Variants in CALN1 observed in about 807,000 individuals in gnomAD.
The protein encoded by CALN1 is calcium-binding protein 8.
A neutral mutation model predicts 30.6 loss-of-function variants in CALN1; 17 were observed. The ratio of observed to expected loss-of-function variants is 0.56; its 90% CI spans 0.38 to 0.83. The LOEUF is 0.83. Ranked by LOEUF, CALN1 falls within the 40% of genes least tolerant of loss-of-function variation. The pLI, the probability that CALN1 is intolerant of heterozygous loss-of-function variation, is 0.00. For synonymous variants in CALN1, 156 were observed against 131.4 expected (o/e 1.19, Z -1.28); for missense variants, 291 against 354.9 (o/e 0.82, Z 1.45).
At chr7:71,870,534 AAGAT>A (rs1423284050) in intron 5 of CALN1, among the ~76,000 whole-genome samples, 1 of 152,254 alleles carries the variant, frequency 6.6e-6, no homozygotes, top group African/African-American at 2.4e-5. Context: ...GCTAAAAAGA[AAGAT>A]AATATATTAC....
chr7:72,039,962 AG>A (rs1436621371), intron 4 of CALN1, among the ~76,000 whole-genome samples: 1 of 152,182 alleles, frequency 6.6e-6, no homozygotes, highest in East Asian at 1.9e-4. Flanking sequence ...GCTCCAGCCC[AG>A]GCCTTTAAAC....
At chr7:71,959,491 C>T (rs1034391527) in intron 5 of CALN1, among the ~76,000 whole-genome samples, 1 of 152,162 alleles carries the variant, frequency 6.6e-6, no homozygotes, top group African/African-American at 2.4e-5. Context: ...CGACTATGTT[C>T]CTTTCCCAGA....
At chr7:72,142,170 G>A (rs1016291870) in intron 3 of CALN1, among the ~76,000 whole-genome samples, 36 of 152,224 alleles carry the variant, frequency 2.4e-4, no homozygotes, top group Non-Finnish European at 4.7e-4. Flanking sequence ...GAAGCAGGGT[G>A]AGGCATCGCC....
intron 5 of CALN1, among the ~76,000 whole-genome samples, chr7:71,957,570 T>C (rs550740557): frequency 1.8e-4 from 28 of 152,292 alleles, no homozygotes; most frequent in African/African-American, 6.7e-4. Flanking sequence ...CTTCCTCAAC[T>C]TACAAATGGC....
At chr7:72,209,270 C>CTCCT (rs1792168247) in intron 3 of CALN1, among the ~76,000 whole-genome samples, 1 of 102,840 alleles carries the variant, frequency 9.7e-6, no homozygotes, top group African/African-American at 3.9e-5. Context: ...CTTTCCTTCC[C>CTCCT]TCCTTCCCTC....
chr7:71,926,449 G>T (rs2107883), intron 5 of CALN1, among the ~76,000 whole-genome samples: 64,081 of 151,982 alleles, frequency 0.42, 13,840 homozygotes, highest in Admixed American at 0.51. Flanking sequence ...GCCTATTGGA[G>T]AGCAAACCCT....
intron 2 of CALN1, among the ~76,000 whole-genome samples, chr7:72,304,419 G>T (rs1046347609): frequency 1.3e-5 from 2 of 152,152 alleles, no homozygotes; most frequent in African/African-American, 4.8e-5. Flanking sequence ...AGGAAGGGGG[G>T]ATTGCCTGAG....
chr7:72,365,762 G>T (rs1803839459), intron 2 of CALN1, among the ~76,000 whole-genome samples: 1 of 152,096 alleles, frequency 6.6e-6, no homozygotes, highest in Non-Finnish European at 1.5e-5. Flanking sequence ...AATAATCAAA[G>T]AAACATTATC....
chr7:72,435,071 G>GT (rs976346271), intron 1 of CALN1, among the ~76,000 whole-genome samples: 8 of 151,964 alleles, frequency 5.3e-5, no homozygotes, highest in Non-Finnish European at 1.2e-4. Flanking sequence ...TACAAAAATG[G>GT]TTTTTTTAAA....
intron 5 of CALN1, among the ~76,000 whole-genome samples, chr7:71,897,024 C>T (rs1793567433): frequency 6.6e-6 from 1 of 152,122 alleles, no homozygotes; most frequent in South Asian, 2.1e-4. Flanking sequence ...CCATCTCAGT[C>T]TAGCAGAAAC....
intron 5 of CALN1, among the ~76,000 whole-genome samples, chr7:71,816,131 T>C: frequency 6.6e-6 from 1 of 151,950 alleles, no homozygotes; most frequent in Non-Finnish European, 1.5e-5. Context: ...TGCTTGCTTG[T>C]TAAACAATTT....
intron 5 of CALN1, among the ~76,000 whole-genome samples, chr7:71,859,523 G>A (rs1421569560): frequency 1.3e-5 from 2 of 152,180 alleles, no homozygotes; most frequent in Admixed American, 1.3e-4. Context: ...TTGACATCAT[G>A]ACCCTTGGCT....
At chr7:72,033,697 GGA>G (rs1323204253) in intron 4 of CALN1, among the ~76,000 whole-genome samples, 1 of 152,314 alleles carries the variant, frequency 6.6e-6, no homozygotes, top group African/African-American at 2.4e-5. Flanking sequence ...GATCCCCATA[GGA>G]AGAGAGCAGG....
chr7:72,246,601 A>T (rs1795174465), intron 3 of CALN1, among the ~76,000 whole-genome samples: 1 of 152,220 alleles, frequency 6.6e-6, no homozygotes, highest in African/African-American at 2.4e-5. Context: ...GATGAAAAAA[A>T]GGAGAATACT....
At chr7:72,347,140 C>A (rs1802687658) in intron 2 of CALN1, among the ~76,000 whole-genome samples, 1 of 152,036 alleles carries the variant, frequency 6.6e-6, no homozygotes, top group Non-Finnish European at 1.5e-5. Context: ...GCCACAGATT[C>A]AGGAAGTCCT....
chr7:72,310,041 TTC>T (rs1053055393), intron 2 of CALN1, among the ~76,000 whole-genome samples: 1 of 152,050 alleles, frequency 6.6e-6, no homozygotes, highest in African/African-American at 2.4e-5. Context: ...CATGTCTTCA[TTC>T]TCTGACTACT....
At chr7:72,405,188 C>CTT (rs1472059325) in intron 1 of CALN1, among the ~76,000 whole-genome samples, 1 of 152,142 alleles carries the variant, frequency 6.6e-6, no homozygotes, top group African/African-American at 2.4e-5. Flanking sequence ...TCAAAGACAC[C>CTT]TTAAAGAGAG....
In CALN1 at chr7:72,155,448, C is replaced by T. The variant is rs577200749; in HGVS notation, c.245-49154G>A. ...CGGAGCTTGCAATGAGCCGAGATCA[C>T]GCCACTGCACTCCAGCCTGGGCGAC... On this transcript the variant is annotated intron_variant, in intron 3 of 6. Transcript: ENST00000395275. 1.3e-4 allele frequency among the ~76,000 whole-genome samples: 20 copies of T among 150,532 alleles called. 1 individual carries two copies. The highest frequency in any genetic ancestry group is 8.4e-4 in the South Asian group (4 of 4,756).
At chr7:71,925,945 C>T (rs1795248613) in intron 5 of CALN1, among the ~76,000 whole-genome samples, 1 of 152,100 alleles carries the variant, frequency 6.6e-6, no homozygotes, top group East Asian at 1.9e-4. Context: ...CCTCTGCCTC[C>T]TGGGTTTAAA....
Sources: allele counts gnomAD v4.1 joint callset (sites outside exome capture counted in the v4.1 genomes callset), GRCh38; gene constraint gnomAD v4.1.1; transcripts MANE v1.5; gene names NCBI Gene and HGNC (gene_info 2026-07-23, HGNC 2026-07-21).